Variants in KCNQ1OT1 observed in about 807,000 individuals in gnomAD.
KCNQ1OT1 encodes the protein KCNQ1 antisense RNA 2 (non-protein coding).
At chr11:2,616,809 C>A in exon 1 of KCNQ1OT1, 1 of 398,230 alleles carries the variant, frequency 2.5e-6, no homozygotes, top group South Asian at 1.3e-4. Flanking sequence ...CCTAACATAT[C>A]ATCCCTCCTA....
chr11:2,667,091 A>G (rs927904485), exon 1 of KCNQ1OT1: 2 of 398,530 alleles, frequency 5.0e-6, no homozygotes, highest in Non-Finnish European at 8.8e-6. Flanking sequence ...ATGTTCTTCT[A>G]ATTAAATTAA....
exon 1 of KCNQ1OT1, chr11:2,628,007 AC>A (rs1849288699): frequency 1.8e-5 from 7 of 398,256 alleles, no homozygotes. Flanking sequence ...CACCTTGGCC[AC>A]CCCCAAGTAC....
chr11:2,644,260 T>G, exon 1 of KCNQ1OT1: 2 of 398,532 alleles, frequency 5.0e-6, no homozygotes, highest in Non-Finnish European at 4.4e-6. Context: ...TCACATAGCC[T>G]TTGTTCATTC....
At position 2,617,776 on chromosome 11, in the gene KCNQ1OT1, G is replaced by A. The variant is rs73415348; in HGVS notation, n.82219C>T. On this transcript the variant is annotated non_coding_transcript_exon_variant, in exon 1 of 1. Transcript: ENST00000597346. This position sits in a 1 kb window ranked among gnomAD's most constrained non-coding sequence, Gnocchi z 4.6. The stretch of plus-strand genomic sequence containing the variant: ...TAGTAATTTTGATTTGCATTTCCCT[G>A]ACGATTAGTGATGTTAAATGTCTTT... 6.5e-3 allele frequency: 2,599 copies of A among 398,522 alleles called. 53 individuals are homozygous for A. Among genetic ancestry groups the A allele is most frequent in the African/African-American group, 0.047 (2,310 of 48,720 alleles). The allele number at this position is 398,522 out of a possible 1,614,324, so 24.7% of individuals were successfully genotyped here. A position where few individuals can be genotyped will look rare whatever the true frequency, so the allele number is the denominator to read the frequency against.
rs1849690849 is a variant in KCNQ1OT1, at chr11:2,647,892, A to C, written n.52103T>G. On this transcript the variant is annotated non_coding_transcript_exon_variant, in exon 1 of 1. Coordinates refer to ENST00000597346, the Ensembl canonical transcript of KCNQ1OT1. The surrounding 1 kb of genome is among the most constrained non-coding windows in gnomAD (Gnocchi z 4.0). ...TGGGTCTTCTTGGTTAGTCTAGCTA[A>C]TGGTTTATTGATTTTCTCTTTTCAA... 7 of 398,246 alleles carry C rather than the reference A, an allele frequency of 1.8e-5. No homozygotes were observed. Among genetic ancestry groups the C allele is most frequent in the Admixed American group, 4.4e-5 (1 of 22,702 alleles). The allele number at this position is 398,246 out of a possible 1,614,324, so 24.7% of individuals were successfully genotyped here. A position where few individuals can be genotyped will look rare whatever the true frequency, so the allele number is the denominator to read the frequency against.
chr11:2,609,286 ATTT>A (rs1240374337), exon 1 of KCNQ1OT1: 2 of 398,302 alleles, frequency 5.0e-6, no homozygotes, highest in East Asian at 7.1e-5. Context: ...CCCATTGATT[ATTT>A]AAGAATGTAG....
At chr11:2,649,564 A>T in exon 1 of KCNQ1OT1, 1 of 398,506 alleles carries the variant, frequency 2.5e-6, no homozygotes, top group Non-Finnish European at 4.4e-6. Context: ...TTTGCTGGGT[A>T]TAGTATTTGT....
In KCNQ1OT1 at chr11:2,623,418, C is replaced by T. The variant is rs778957491; in HGVS notation, n.76577G>A. On this transcript the variant is annotated non_coding_transcript_exon_variant, in exon 1 of 1. Transcript: ENST00000597346. The surrounding 1 kb of genome is among the most constrained non-coding windows in gnomAD (Gnocchi z 5.2). The stretch of plus-strand genomic sequence containing the variant: ...GCCCTAAAAGTACTCTGTGCACTGC[C>T]TATTCAACCCTTCTTCCCCAACAAC... 1.8e-5 allele frequency: 7 copies of T among 398,492 alleles called. No individual in the cohort carries two copies. Among genetic ancestry groups the T allele is most frequent in the African/African-American group, 4.1e-5 (2 of 48,628 alleles). 24.7% of individuals were successfully genotyped at this position (398,492 alleles called of 1,614,324 possible). A position where few individuals can be genotyped will look rare whatever the true frequency, so the allele number is the denominator to read the frequency against.
exon 1 of KCNQ1OT1, chr11:2,699,485 C>T (rs1850737554): frequency 5.7e-6 from 2 of 350,360 alleles, no homozygotes. Context: ...GAGGAGCCCC[C>T]GGGGAGAGTG....
In KCNQ1OT1 at chr11:2,628,147, T is replaced by C. The variant is rs527396032; in HGVS notation, n.71848A>G. The C allele has an allele frequency of 7.5e-5, 30 of 398,622 alleles. No homozygotes were observed. The East Asian group carries it at 1.1e-3, about 14-fold the overall frequency. 24.7% of individuals were successfully genotyped at this position (398,622 alleles called of 1,614,324 possible). The stretch of plus-strand genomic sequence containing the variant: ...ATACTGACTTTGTTTTCCTTAGATA[T>C]ACCCGGAACTGAGACTGCTGGATCA... On this transcript the variant is annotated non_coding_transcript_exon_variant, in exon 1 of 1. Transcript: ENST00000597346.
At chr11:2,675,244 C>T (rs1850272553) in exon 1 of KCNQ1OT1, 4 of 398,586 alleles carry the variant, frequency 1.0e-5, no homozygotes, top group East Asian at 3.6e-5. Context: ...AGCTCCCAAG[C>T]AGTACTGTTT....
chr11:2,662,093 C>T lies in KCNQ1OT1; in HGVS notation n.37902G>A, dbSNP rs983911530. On this transcript the variant is annotated non_coding_transcript_exon_variant, in exon 1 of 1. Coordinates refer to ENST00000597346, the Ensembl canonical transcript of KCNQ1OT1. ...ACCCACATCTCACAGTGAGTGCCTA[C>T]ATGTGCGTGAAGGGCTGGGCTGGAG... 7 of 1,614,052 alleles carry T rather than the reference C, an allele frequency of 4.3e-6. No homozygotes were observed. The highest frequency in any genetic ancestry group is 5.1e-6 in the Non-Finnish European group (6 of 1,180,042).
exon 1 of KCNQ1OT1, chr11:2,615,529 T>G (rs1849046428): frequency 5.0e-6 from 2 of 397,954 alleles, no homozygotes; most frequent in African/African-American, 2.1e-5. Flanking sequence ...AGTATATTAG[T>G]TGTGGATTTT....
exon 1 of KCNQ1OT1, chr11:2,656,237 C>A (rs938160312): frequency 5.0e-6 from 2 of 398,552 alleles, no homozygotes; most frequent in African/African-American, 4.1e-5. Flanking sequence ...TGTCACTTGA[C>A]AACTGCATTA....
In KCNQ1OT1 at chr11:2,678,097, A is replaced by C. The variant is rs894594220; in HGVS notation, n.21898T>G. ...TACCTTGTCTTACTGATTTGTAGAA[A>C]CTTGCTTTGTCATATTCATTGAAAA... On this transcript the variant is annotated non_coding_transcript_exon_variant, in exon 1 of 1. Transcript: ENST00000597346. The surrounding 1 kb of genome is among the most constrained non-coding windows in gnomAD (Gnocchi z 4.9). 3.3e-5 allele frequency: 13 copies of C among 398,176 alleles called. No individual in the cohort carries two copies. Among genetic ancestry groups the C allele is most frequent in the African/African-American group, 2.7e-4 (13 of 48,570 alleles). 24.7% of individuals were successfully genotyped at this position (398,176 alleles called of 1,614,324 possible). A position where few individuals can be genotyped will look rare whatever the true frequency, so the allele number is the denominator to read the frequency against.
chr11:2,698,557 C>G lies in KCNQ1OT1; in HGVS notation n.1438G>C. The G allele has an allele frequency of 1.3e-5, 5 of 398,552 alleles. No homozygotes were observed. Among genetic ancestry groups the G allele is most frequent in the Non-Finnish European group, 2.2e-5 (5 of 226,090 alleles). 24.7% of individuals were successfully genotyped at this position (398,552 alleles called of 1,614,324 possible). ...CAGACTGCAACCTTTACTTCGCCCC[C>G]TAATTCCTGACTCAGAATCCCCACC... is the stretch of plus-strand genomic sequence containing the variant. On this transcript the variant is annotated non_coding_transcript_exon_variant, in exon 1 of 1. Transcript: ENST00000597346. The surrounding 1 kb of genome is among the most constrained non-coding windows in gnomAD (Gnocchi z 5.1).
rs1849799708 is a variant in KCNQ1OT1 at position 2,654,116 on chromosome 11, G to A, written n.45879C>T. 2.5e-6 allele frequency: 1 copy of A among 398,784 alleles called. No individual in the cohort carries two copies. The highest frequency in any genetic ancestry group is 4.4e-6 in the Non-Finnish European group (1 of 226,170). The allele number at this position is 398,784 out of a possible 1,614,324, so 24.7% of individuals were successfully genotyped here. On this transcript the variant is annotated non_coding_transcript_exon_variant, in exon 1 of 1. Transcript: ENST00000597346. This position sits in a 1 kb window ranked among gnomAD's most constrained non-coding sequence, Gnocchi z 6.4. ...TTCTCGCCTCTGAGTGGAGACACAG[G>A]TGGTGGCGGGGCCACTCTGGCTCAG...
chr11:2,696,770 G>A (rs989470856), exon 1 of KCNQ1OT1: 7 of 398,392 alleles, frequency 1.8e-5, no homozygotes, highest in South Asian at 2.5e-4. Flanking sequence ...AAAAGTCGTC[G>A]TCTTTGTTAA....
exon 1 of KCNQ1OT1, chr11:2,697,192 T>G: frequency 2.5e-6 from 1 of 398,608 alleles, no homozygotes; most frequent in Non-Finnish European, 4.4e-6. Flanking sequence ...CATTTCTTAG[T>G]TTTAACTTCT....
Sources: gnomAD v4.1 joint callset for allele counts on GRCh38, gnomAD v4.1.1 for gene constraint, Gnocchi (gnomAD v3.1) non-coding constraint, MANE v1.5 for transcripts, NCBI Gene and HGNC (gene_info 2026-07-23, HGNC 2026-07-21) for gene names.